PAX5: variants seen among roughly 807,000 people sequenced by gnomAD.
PAX5 encodes the protein paired box 5, also known as paired box protein Pax-5.
Under a neutral mutation model 43.7 loss-of-function variants are expected in PAX5, and 9 were observed. The observed-to-expected ratio is 0.21, with a 90% CI of 0.12 to 0.36. The LOEUF (loss-of-function observed/expected upper bound fraction) is 0.36, where lower values mean the gene tolerates loss of function less well. Among genes scored for constraint, PAX5 ranks in the 10% least tolerant of loss-of-function variants. The pLI, the probability that PAX5 is intolerant of heterozygous loss-of-function variation, is 1.00. For missense variants in PAX5, 383 were observed against 532.7 expected (o/e 0.72, Z 2.77); for synonymous variants, 228 against 214.3 (o/e 1.06, Z -0.56).
At chr9:36,859,999 C>T (rs897291242) in intron 8 of PAX5, among the ~76,000 whole-genome samples, 2 of 150,426 alleles carry the variant, frequency 1.3e-5, no homozygotes, top group Admixed American at 1.3e-4. Flanking sequence ...CACGCCACTG[C>T]ACTCAAGCCT....
At chr9:37,011,661 G>T (rs1212308534) in intron 3 of PAX5, among the ~76,000 whole-genome samples, 1 of 152,140 alleles carries the variant, frequency 6.6e-6, no homozygotes, top group Non-Finnish European at 1.5e-5. Flanking sequence ...TCCCCCACAA[G>T]CCTAACAGAA....
chr9:36,944,167 A>T (rs1401919738), intron 6 of PAX5, among the ~76,000 whole-genome samples: 1 of 152,126 alleles, frequency 6.6e-6, no homozygotes, highest in Non-Finnish European at 1.5e-5. Flanking sequence ...CTGGGTGACA[A>T]AAAGAGACGC....
chr9:36,949,423 AGCCAAG>A (rs1177606636), intron 6 of PAX5, among the ~76,000 whole-genome samples: 1 of 81,098 alleles, frequency 1.2e-5, no homozygotes, highest in African/African-American at 3.3e-5. Flanking sequence ...GCAGTGGTAA[AGCCAAG>A]TAGATTGGAA....
chr9:36,937,652 C>T (rs1031008369), intron 6 of PAX5, among the ~76,000 whole-genome samples: 1 of 152,174 alleles, frequency 6.6e-6, no homozygotes, highest in Non-Finnish European at 1.5e-5. Flanking sequence ...CTTTCCCCGC[C>T]GGGCGCCCTC....
intron 6 of PAX5, among the ~76,000 whole-genome samples, chr9:36,943,072 C>T (rs1349458049): frequency 1.3e-5 from 2 of 152,208 alleles, no homozygotes; most frequent in East Asian, 3.8e-4. Context: ...TGCAGGCCCA[C>T]CCTAGCCCTG....
intron 7 of PAX5, among the ~76,000 whole-genome samples, chr9:36,912,040 T>A (rs563468724): frequency 6.6e-6 from 1 of 152,248 alleles, no homozygotes; most frequent in Admixed American, 6.5e-5. Flanking sequence ...GTGGAAAAAA[T>A]TCAGAGCTCT....
chr9:36,871,218 C>T (rs1825455402), intron 8 of PAX5, among the ~76,000 whole-genome samples: 1 of 152,254 alleles, frequency 6.6e-6, no homozygotes, highest in Non-Finnish European at 1.5e-5. Flanking sequence ...TGCTGCCACT[C>T]CGTGGGCCCT....
At position 36,923,629 on chromosome 9, in the gene PAX5, T is replaced by G. The variant is rs1830359990; in HGVS notation, c.781-145A>C. 3.5e-6 allele frequency: 3 copies of G among 852,328 alleles called. No individual in the cohort carries two copies. The Admixed American group carries it at 7.9e-5, about 22-fold the overall frequency. The allele number at this position is 852,328 out of a possible 1,614,324, so 52.8% of individuals were successfully genotyped here. The stretch of plus-strand genomic sequence containing the variant: ...ACAAGGGGCTCATGAACACTTCCAG[T>G]GTTGAAAGGGCAGAGTCAGCTTGGT... On this transcript the variant is annotated intron_variant, in intron 6 of 9. Coordinates refer to ENST00000358127, the MANE Select transcript of PAX5 (RefSeq NM_016734.3).
intron 6 of PAX5, among the ~76,000 whole-genome samples, chr9:36,934,947 G>T (rs528601118): frequency 1.4e-4 from 22 of 152,350 alleles, no homozygotes; most frequent in Non-Finnish European, 2.8e-4. Context: ...TTCCAACGGT[G>T]CCAGAGGTGC....
chr9:37,020,518 T>A (rs995502158), intron 2 of PAX5, 118 bp downstream of exon 2: 2 of 1,077,114 alleles, frequency 1.9e-6, no homozygotes, highest in Admixed American at 2.0e-5. Context: ...GTGCTCTGCG[T>A]GTGAAACAAA....
chr9:36,965,399 T>C (rs1483904908), intron 6 of PAX5, among the ~76,000 whole-genome samples: 1 of 152,236 alleles, frequency 6.6e-6, no homozygotes, highest in African/African-American at 2.4e-5. Flanking sequence ...TTAGGCAAGT[T>C]GCTCTGCCTC....
intron 1 of PAX5, among the ~76,000 whole-genome samples, chr9:37,027,639 G>A (rs368644060): frequency 1.3e-5 from 2 of 152,172 alleles, no homozygotes; most frequent in South Asian, 4.1e-4. Flanking sequence ...CCCTCCGCCT[G>A]CTCGGCGCGC....
intron 5 of PAX5, among the ~76,000 whole-genome samples, chr9:36,977,439 C>A (rs1835532975): frequency 6.6e-6 from 1 of 152,180 alleles, no homozygotes; most frequent in African/African-American, 2.4e-5. Context: ...CTAACTCACT[C>A]CACTTAATCC....
intron 4 of PAX5, 30 bp from the exon 5 acceptor site, chr9:37,002,806 C>T (rs763785410): frequency 2.5e-6 from 4 of 1,594,120 alleles, no homozygotes; most frequent in Non-Finnish European, 3.4e-6. Context: ...CGGTCAGGGC[C>T]GCAGAGGGCT....
At position 37,002,703 on chromosome 9, in the gene PAX5, G is replaced by A. The variant is rs1023765135; in HGVS notation, c.549C>T (p.Gly183=). The A allele has an allele frequency of 3.1e-6, 5 of 1,611,202 alleles. No individual in the cohort carries two copies. The highest frequency in any genetic ancestry group is 1.7e-4 in the Middle Eastern group (1 of 6,054). ...DSAGSSYSIS[G]ILGITSPSAD... ...CGCTGGGGGACGTGATGCCCAGGAT[G>A]CCGCTGATGGAGTACGACGAGCCGG... Residue 183 remains glycine, a synonymous_variant, in exon 5 of 10, where the codon GGC becomes GGT. Transcript: ENST00000358127.
rs926685617 is a variant in PAX5 at position 36,837,961 on chromosome 9, A to G, written c.*2599T>C. 3.0e-5 allele frequency: 7 copies of G among 233,290 alleles called. No individual in the cohort carries two copies. Among genetic ancestry groups the G allele is most frequent in the Non-Finnish European group, 5.9e-5 (7 of 118,110 alleles). The allele number at this position is 233,290 out of a possible 1,614,324, so 14.5% of individuals were successfully genotyped here. ...GCAGGATCCAAAGATGTGGGTACAC[A>G]TCATTCCAAAAGAAGGGTGACAGGG... On this transcript the variant is annotated 3_prime_UTR_variant, in exon 10 of 10. Coordinates refer to ENST00000358127, the MANE Select transcript of PAX5 (RefSeq NM_016734.3).
chr9:36,843,527 C>T (rs1212161870), intron 9 of PAX5, among the ~76,000 whole-genome samples: 4 of 152,236 alleles, frequency 2.6e-5, no homozygotes, highest in Admixed American at 1.3e-4. Context: ...GAGGCCCAGA[C>T]CTGCCTAGGC....
intron 1 of PAX5, chr9:37,026,706 C>T (rs961746456): frequency 1.5e-6 from 2 of 1,290,824 alleles, no homozygotes; most frequent in African/African-American, 1.5e-5. Flanking sequence ...ACTGCTGGAG[C>T]TTCGGGGTCT....
intron 1 of PAX5, among the ~76,000 whole-genome samples, chr9:37,026,106 G>T (rs561743876): frequency 6.6e-6 from 1 of 152,338 alleles, no homozygotes; most frequent in African/African-American, 2.4e-5. Context: ...ATCCCTCCAA[G>T]CGCCAGTCTG....
Sources: gnomAD v4.1 joint callset for allele counts (sites outside exome capture counted in the v4.1 genomes callset) on GRCh38, gnomAD v4.1.1 for gene constraint, MANE v1.5 for transcripts, NCBI Gene and HGNC (gene_info 2026-07-23, HGNC 2026-07-21) for gene names.